Variants in FBXO5 observed in about 807,000 individuals in gnomAD.
The protein encoded by FBXO5 is F-box protein 5.
FBXO5 carries 8 observed loss-of-function variants against 43.3 expected under a neutral mutation model. The observed-to-expected ratio is 0.18, with a 90% CI of 0.11 to 0.33. The LOEUF is 0.33. FBXO5 is among the 10% of genes least tolerant of loss of function. The pLI is 1.00. For synonymous variants in FBXO5, 204 were observed against 193.7 expected (o/e 1.05, Z -0.44); for missense variants, 491 against 535.7 (o/e 0.92, Z 0.82).
chr6:152,982,777 G>A, intron 1 of FBXO5, 80 bp downstream of exon 1: 2 of 1,014,256 alleles, frequency 2.0e-6, no homozygotes, highest in Non-Finnish European at 2.7e-6. Flanking sequence ...GGGACGTCGG[G>A]TCAGGGTCTC....
chr6:152,975,712 A>G (rs1778160162), intron 1 of FBXO5, 91 bp from the exon 2 acceptor site: 2 of 753,100 alleles, frequency 2.7e-6, no homozygotes, highest in African/African-American at 1.8e-5. Flanking sequence ...TTACTTTGCA[A>G]TCTCTCAGCA....
intron 1 of FBXO5, among the ~76,000 whole-genome samples, chr6:152,982,255 G>A (rs552593936): frequency 4.3e-4 from 65 of 152,306 alleles, no homozygotes; most frequent in East Asian, 3.7e-3. Context: ...TGAGGGATCG[G>A]TGGGGCTGCC....
At chr6:152,982,227 G>A (rs1192746632) in intron 1 of FBXO5, among the ~76,000 whole-genome samples, 1 of 152,164 alleles carries the variant, frequency 6.6e-6, no homozygotes, top group African/African-American at 2.4e-5. Context: ...GGAGTGGGGA[G>A]GGAGACCCTG....
chr6:152,975,311 G>C lies in FBXO5; in HGVS notation c.414C>G (p.Thr138=), dbSNP rs990244433. ...NSTNEIEALE[T]SRLYEDSGYS... ...AGCCACTGTCTTCATAAAGTCTACT[G>C]GTCTCTAGTGCTTCTATTTCATTTG... Residue 138 remains threonine (T), a synonymous_variant, in exon 2 of 5, where the codon ACC becomes ACG. Transcript: ENST00000229758. The C allele has an allele frequency of 1.9e-6, 3 of 1,613,980 alleles. No homozygotes were observed. Among genetic ancestry groups the C allele is most frequent in the Non-Finnish European group, 2.5e-6 (3 of 1,180,012 alleles).
chr6:152,978,424 ACT>A (rs1414752895), intron 1 of FBXO5, among the ~76,000 whole-genome samples: 1 of 129,066 alleles, frequency 7.7e-6, no homozygotes, highest in Non-Finnish European at 1.6e-5. Flanking sequence ...ATCAAACTCT[ACT>A]CTAAAGCACT....
intron 1 of FBXO5, among the ~76,000 whole-genome samples, chr6:152,981,536 G>T (rs1276364813): frequency 2.6e-5 from 4 of 151,864 alleles, no homozygotes; most frequent in African/African-American, 9.7e-5. Context: ...AAACTACTTG[G>T]AAGTAACATA....
At chr6:152,981,883 T>C (rs893923394) in intron 1 of FBXO5, among the ~76,000 whole-genome samples, 1 of 152,188 alleles carries the variant, frequency 6.6e-6, no homozygotes, top group Non-Finnish European at 1.5e-5. Context: ...TGCATATAGA[T>C]TTTATTTAGA....
Position 152,972,347 on chromosome 6 carries a change from T to A in FBXO5, c.1017A>T (p.Lys339Asn), listed in dbSNP as rs766117617. ...GATTGGATAACTTGGTTTGAGCATC[T>A]TTTTTGAGAGAAGTCTGGGCTGCTG... is the stretch of plus-strand genomic sequence containing the variant. The part of the protein sequence containing the change: ...QKSAAQTSLK[K>N]DAQTKLSNQG... Residue 339 changes from lysine to asparagine, a missense_variant, in exon 4 of 5, where the codon AAA (lysine) becomes AAT (asparagine). By Grantham distance (94) the Lys-to-Asn change is moderately conservative. Transcript: ENST00000229758. 6.2e-7 allele frequency: 1 copy of A among 1,612,676 alleles called. No homozygotes were observed. The highest frequency in any genetic ancestry group is 1.7e-5 in the Admixed American group (1 of 60,018).
intron 1 of FBXO5, 25 bp downstream of exon 1, chr6:152,982,832 C>T (rs1164759153): frequency 1.4e-6 from 2 of 1,466,140 alleles, no homozygotes; most frequent in East Asian, 2.9e-5. Flanking sequence ...TGCGCGCCCC[C>T]CTCGCGACCG....
Position 152,974,892 on chromosome 6 carries a change from C to A in FBXO5, c.818+15G>T. On this transcript the variant is annotated intron_variant, in intron 2 of 4. Coordinates refer to ENST00000229758, the MANE Select transcript of FBXO5 (RefSeq NM_012177.5). ...AGTGTATTATGCTAATATGTATATT[C>A]AAAACAGTACTTACTTGATTAAGTC... 6.4e-7 allele frequency: 1 copy of A among 1,557,572 alleles called. No homozygotes were observed. The highest frequency in any genetic ancestry group is 8.7e-7 in the Non-Finnish European group (1 of 1,154,224).
At chr6:152,972,813 A>G in intron 3 of FBXO5, 1 of 494,694 alleles carries the variant, frequency 2.0e-6, no homozygotes, top group Non-Finnish European at 3.6e-6. Context: ...CTATCTGAGA[A>G]ATGAGTAATT....
chr6:152,975,249 T>G lies in FBXO5; in HGVS notation c.476A>C (p.His159Pro). ...CTCCTCCAGGAGGCTACCTTCTTCA[T>G]GTTCACTGAGGCCACTTTGTAGAGA... The part of the protein sequence containing the change: ...SFSLQSGLSE[H>P]EEGSLLEENF... Residue 159 changes from histidine to proline, a missense_variant, in exon 2 of 5, where the codon CAT becomes CCT. Physicochemically the swap from His to Pro is moderately conservative, Grantham distance 77 (BLOSUM62 -2). Transcript: ENST00000229758. The G allele has an allele frequency of 1.2e-6, 2 of 1,614,194 alleles. No homozygotes were observed. The highest frequency in any genetic ancestry group is 1.7e-6 in the Non-Finnish European group (2 of 1,180,022).
At position 152,971,043 on chromosome 6, in the gene FBXO5, C is replaced by G; in HGVS notation, c.*120G>C. The stretch of plus-strand genomic sequence containing the variant: ...CTTTATCTTCTGGGGGGAAAAAAAC[C>G]TCAGGATACTACACCGATTTCAACA... On this transcript the variant is annotated 3_prime_UTR_variant, in exon 5 of 5. Coordinates refer to ENST00000229758, the MANE Select transcript of FBXO5 (RefSeq NM_012177.5). 1.0e-6 allele frequency: 1 copy of G among 984,302 alleles called. No homozygotes were observed. The highest frequency in any genetic ancestry group is 2.8e-5 in the East Asian group (1 of 36,352). The allele number at this position is 984,302 out of a possible 1,614,324, so 61.0% of individuals were successfully genotyped here.
Position 152,978,376 on chromosome 6 carries a change from T to TGGGGGGGGGGGGG in FBXO5, c.104-2756_104-2755insCCCCCCCCCCCCC, listed in dbSNP as rs1234180495. On this transcript the variant is annotated intron_variant, in intron 1 of 4. Coordinates refer to ENST00000229758, the MANE Select transcript of FBXO5 (RefSeq NM_012177.5). ...CATTAATCATGGAGAGCTTCATTTT[T>TGGGGGGGGGGGGG]TGGGGGGGGGGGGGGGGCGGGGGAC... 8.8e-4 allele frequency among the ~76,000 whole-genome samples: 5 copies of TGGGGGGGGGGGGG among 5,710 alleles called. 2 individuals carry two copies. Among genetic ancestry groups the TGGGGGGGGGGGGG allele is most frequent in the East Asian group, 0.022 (2 of 92 alleles). 3.7% of individuals were successfully genotyped at this position (5,710 alleles called of 152,430 possible).
chr6:152,976,661 A>G (rs1778173158), intron 1 of FBXO5, among the ~76,000 whole-genome samples: 1 of 152,350 alleles, frequency 6.6e-6, no homozygotes, highest in Non-Finnish European at 1.5e-5. Context: ...ATTGCTTTAA[A>G]TAACTTAAGA....
intron 1 of FBXO5, among the ~76,000 whole-genome samples, chr6:152,982,568 G>C (rs987705619): frequency 5.3e-5 from 8 of 152,126 alleles, no homozygotes; most frequent in African/African-American, 1.9e-4. Flanking sequence ...GGGCGCCCTG[G>C]GATGCCACGA....
At chr6:152,972,168 A>T in intron 4 of FBXO5, 104 bp downstream of exon 4, 1 of 660,340 alleles carries the variant, frequency 1.5e-6, no homozygotes, top group Non-Finnish European at 2.4e-6. Flanking sequence ...AGAATAAATT[A>T]GTTATTATCT....
chr6:152,976,799 T>C (rs1015192099), intron 1 of FBXO5, among the ~76,000 whole-genome samples: 2 of 152,188 alleles, frequency 1.3e-5, no homozygotes, highest in Non-Finnish European at 2.9e-5. Context: ...CATCTTAAGA[T>C]AGCTTTAAAG....
chr6:152,979,647 T>G (rs1374707910), intron 1 of FBXO5, among the ~76,000 whole-genome samples: 4 of 152,254 alleles, frequency 2.6e-5, no homozygotes, highest in Non-Finnish European at 4.4e-5. Context: ...CTCCTATTTA[T>G]TCATACTACC....
Sources: gnomAD v4.1 joint callset for allele counts (sites outside exome capture counted in the v4.1 genomes callset) on GRCh38, gnomAD v4.1.1 for gene constraint, MANE v1.5 for transcripts, NCBI Gene and HGNC (gene_info 2026-07-23, HGNC 2026-07-21) for gene names.